KDR: variants seen among roughly 807,000 people sequenced by gnomAD.
The protein encoded by KDR is vascular endothelial growth factor receptor 2.
KDR carries 43 observed loss-of-function variants against 160.9 expected under a neutral mutation model. That is an observed-to-expected ratio of 0.27 (90% CI 0.21 to 0.34). KDR has a LOEUF of 0.34. Among genes scored for constraint, KDR ranks in the 10% least tolerant of loss-of-function variants. KDR has a pLI of 1.00. For synonymous variants in KDR, 617 were observed against 600.1 expected, an observed-to-expected ratio of 1.03 and a Z score of -0.41; for missense variants, 1,469 against 1,666.4, an observed-to-expected ratio of 0.88 and a Z score of 2.06.
rs1962458 is a variant in KDR at position 55,119,042 on chromosome 4, C to G, written c.162-242G>C. On this transcript the variant is annotated intron_variant, in intron 2 of 29. Coordinates refer to ENST00000263923, the MANE Select transcript of KDR (RefSeq NM_002253.4). ...TGGGCAACATGGTAAAACCCTGTCTCTACTAAAAATACAAAAATGAGCCAG... is the reference window on the plus strand; with the variant it reads ...TGGGCAACATGGTAAAACCCTGTCTGTACTAAAAATACAAAAATGAGCCAG... Among the ~76,000 whole-genome samples the G allele has an allele frequency of 0.18, 27,501 of 151,982 alleles. 3,331 individuals carry two copies. Among genetic ancestry groups the G allele is most frequent in the East Asian group, 0.46 (2,355 of 5,130 alleles).
intron 7 of KDR, among the ~76,000 whole-genome samples, chr4:55,112,202 A>G (rs1439192641): frequency 6.6e-6 from 1 of 152,074 alleles, no homozygotes; most frequent in Non-Finnish European, 1.5e-5. Context: ...TTATAAGCAG[A>G]TTTTCTTCCA....
At chr4:55,097,608 A>G in intron 18 of KDR, 54 bp downstream of exon 18, 2 of 1,154,672 alleles carry the variant, frequency 1.7e-6, no homozygotes, top group East Asian at 2.3e-5. Context: ...CTTGCAACAT[A>G]TTTAAAGACT....
chr4:55,081,150 A>G (rs572917741), intron 29 of KDR, among the ~76,000 whole-genome samples: 1 of 152,356 alleles, frequency 6.6e-6, no homozygotes, highest in African/African-American at 2.4e-5. Flanking sequence ...AAAGAAAACA[A>G]TAAAATAGCA....
At chr4:55,097,231 T>G (rs1026491604) in intron 18 of KDR, among the ~76,000 whole-genome samples, 1 of 152,224 alleles carries the variant, frequency 6.6e-6, no homozygotes, top group Admixed American at 6.5e-5. Context: ...CTTTTACATA[T>G]GAACATCTTT....
Position 55,115,416 on chromosome 4 carries a change from A to G in KDR, c.359-5T>C. The G allele has an allele frequency of 6.8e-7, 1 of 1,479,020 alleles. No individual in the cohort carries two copies. The highest frequency in any genetic ancestry group is 2.3e-5 in the East Asian group (1 of 44,174). The allele number at this position is 1,479,020 out of a possible 1,614,324, so 91.6% of individuals were successfully genotyped here. On this transcript the variant is annotated splice_polypyrimidine_tract_variant and splice_region_variant and intron_variant, in intron 3 of 29. Coordinates refer to ENST00000263923, the MANE Select transcript of KDR (RefSeq NM_002253.4). ...CAATAAATGGAGATCTGTAATCTAG[A>G]AGAAAATTTAGTTTTATTAATGAGT... is the stretch of plus-strand genomic sequence containing the variant.
chr4:55,102,344 T>C lies in KDR; in HGVS notation c.2134+18A>G, dbSNP rs1720335806. On this transcript the variant is annotated intron_variant, in intron 14 of 29. Coordinates refer to ENST00000263923, the MANE Select transcript of KDR (RefSeq NM_002253.4). ...GGAAAGTTCTGCAACCCAAGAGTGA[T>C]AGCCAAATTCTATTTACCTGAGTCT... The C allele has an allele frequency of 1.2e-6, 2 of 1,612,574 alleles. No homozygotes were observed. Among genetic ancestry groups the C allele is most frequent in the African/African-American group, 1.3e-5 (1 of 75,002 alleles).
At position 55,087,807 on chromosome 4, in the gene KDR, G is replaced by T. The variant is rs200251218; in HGVS notation, c.3511-49C>A. 5.9e-5 allele frequency: 95 copies of T among 1,598,182 alleles called. No individual in the cohort carries two copies. In the East Asian group the frequency reaches 2.0e-3, roughly 34 times the overall value. Reference sequence around the variant, plus strand: ...TGTTGTTATGGCTTCAGTTCTTCAAGTGCCTTTTCATTAAAAACAAAGGGC... The same window carrying T: ...TGTTGTTATGGCTTCAGTTCTTCAATTGCCTTTTCATTAAAAACAAAGGGC... On this transcript the variant is annotated intron_variant, in intron 26 of 29. Coordinates refer to ENST00000263923, the MANE Select transcript of KDR (RefSeq NM_002253.4).
Position 55,079,546 on chromosome 4 carries a change from C to T in KDR, c.*395G>A, listed in dbSNP as rs1221805047. The stretch of plus-strand genomic sequence containing the variant: ...CTGCAAATCCTTCCCATCTTCAACA[C>T]CTCGAACACTTACATTGCCTGGTTT... On this transcript the variant is annotated 3_prime_UTR_variant, in exon 30 of 30. Coordinates refer to ENST00000263923, the MANE Select transcript of KDR (RefSeq NM_002253.4). The T allele has an allele frequency of 5.3e-6, 2 of 378,660 alleles. No individual in the cohort carries two copies. The allele number at this position is 378,660 out of a possible 1,614,324, so 23.5% of individuals were successfully genotyped here. A position where few individuals can be genotyped will look rare whatever the true frequency, so the allele number is the denominator to read the frequency against.
intron 3 of KDR, among the ~76,000 whole-genome samples, chr4:55,117,994 G>A (rs1720775258): frequency 6.6e-6 from 1 of 152,032 alleles, no homozygotes; most frequent in Non-Finnish European, 1.5e-5. Context: ...ATCCCAAACT[G>A]CACATCCTAG....
chr4:55,104,680 C>A lies in KDR; in HGVS notation c.1950G>T (p.Lys650Asn). The A allele has an allele frequency of 6.2e-7, 1 of 1,613,776 alleles. No homozygotes were observed. Among genetic ancestry groups the A allele is most frequent in the Non-Finnish European group, 8.5e-7 (1 of 1,179,820 alleles). ...GCTGCCTGACCACGCAATGTCTTTT[C>A]TTGGTCTTCCTGTCTTGAGCAAGGC... ...YVCLAQDRKT[K>N]KRHCVVRQLT... is the part of the protein sequence containing the mutation. The change falls in exon 13 of 30, where the codon AAG becomes AAT. Residue 650 changes from lysine to asparagine, a missense_variant. Around this residue, in one of 7 missense-constraint regions of KDR, gnomAD observed 792 missense variants for 840.9 expected, o/e 0.94. Transcript: ENST00000263923.
Position 55,106,807 on chromosome 4 carries a change from T to C in KDR, c.1416A>G (p.Gln472=). Residue 472 remains glutamine, a synonymous_variant, in exon 11 of 30, where the codon CAA becomes CAG. Coordinates refer to ENST00000263923, the MANE Select transcript of KDR (RefSeq NM_002253.4). ...GGTATGGGTTTGTCACTGAGACAGC[T>C]TGGCTATAAGAAAGAGATAACAGCG... The part of the protein sequence containing the change: ...LEEECANEPS[Q]AVSVTNPYPC... 1.2e-6 allele frequency: 2 copies of C among 1,604,886 alleles called. No homozygotes were observed. The highest frequency in any genetic ancestry group is 2.2e-5 in the East Asian group (1 of 44,724).
At chr4:55,086,683 A>G (rs1314278446) in intron 27 of KDR, among the ~76,000 whole-genome samples, 1 of 151,938 alleles carries the variant, frequency 6.6e-6, no homozygotes, top group Non-Finnish European at 1.5e-5. Context: ...CCTTCCCATC[A>G]GTGTTTCTGC....
chr4:55,093,589 C>G (rs967847892), intron 21 of KDR, among the ~76,000 whole-genome samples: 2 of 152,128 alleles, frequency 1.3e-5, no homozygotes, highest in African/African-American at 4.8e-5. Context: ...TCAGTGTGGG[C>G]CCAGCTAAAT....
At chr4:55,116,482 G>T (rs1720739493) in intron 3 of KDR, among the ~76,000 whole-genome samples, 1 of 151,530 alleles carries the variant, frequency 6.6e-6, no homozygotes, top group Non-Finnish European at 1.5e-5. Flanking sequence ...TTAACATGCT[G>T]CTGGAAACCT....
At chr4:55,105,092 A>G in intron 12 of KDR, 108 bp from the exon 13 acceptor site, 1 of 917,288 alleles carries the variant, frequency 1.1e-6, no homozygotes, top group Admixed American at 2.0e-5. Flanking sequence ...ATGAAGCTCT[A>G]TCCGTTCCAG....
chr4:55,083,906 T>G (rs1310754276), intron 27 of KDR, among the ~76,000 whole-genome samples: 2 of 152,178 alleles, frequency 1.3e-5, no homozygotes, highest in Non-Finnish European at 2.9e-5. Context: ...AAGCCTACTT[T>G]CTAAGTCCAA....
Position 55,114,900 on chromosome 4 carries a change from G to T in KDR, c.632C>A (p.Ser211Tyr). The stretch of plus-strand genomic sequence containing the variant: ...TACAACGACAACTATGTACATAATA[G>T]ACTGGTAACTTTCATCATTAATTTT... The part of the protein sequence containing the change: ...EAKINDESYQ[S>Y]IMYIVVVVGY... The change falls in exon 5 of 30, where the codon TCT (serine) becomes TAT (tyrosine). Residue 211 changes from serine (S) to tyrosine (Y), a missense_variant. By Grantham distance (144) the Ser-to-Tyr change is moderately radical. Around this residue, in one of 7 missense-constraint regions of KDR, gnomAD observed 792 missense variants for 840.9 expected, o/e 0.94. Transcript: ENST00000263923. The T allele has an allele frequency of 6.2e-7, 1 of 1,613,644 alleles. No individual in the cohort carries two copies. The highest frequency in any genetic ancestry group is 8.5e-7 in the Non-Finnish European group (1 of 1,179,652).
intron 22 of KDR, among the ~76,000 whole-genome samples, chr4:55,091,706 T>C (rs541231335): frequency 2.0e-5 from 3 of 152,244 alleles, no homozygotes; most frequent in Admixed American, 1.3e-4. Flanking sequence ...CAAAAAAAAA[T>C]ATGACTTAAG....
Position 55,118,612 on chromosome 4 carries a change from T to C in KDR, c.350A>G (p.Tyr117Cys), listed in dbSNP as rs1226422486. 9.3e-6 allele frequency: 15 copies of C among 1,612,936 alleles called. No homozygotes were observed. The highest frequency in any genetic ancestry group is 2.2e-5 in the East Asian group (1 of 44,886). The change falls in exon 3 of 30, where the codon TAT (tyrosine) becomes TGT (cysteine). Residue 117 changes from tyrosine (Y) to cysteine (C), a missense_variant. Tyr to Cys is a radical substitution (Grantham distance 194, BLOSUM62 -2). Coordinates refer to ENST00000263923, the MANE Select transcript of KDR (RefSeq NM_002253.4). ...ETDLASVIYVYVQDYRSPFIA... is the reference protein window; with the variant it reads ...ETDLASVIYVCVQDYRSPFIA... Reference sequence around the variant, plus strand: ...TTTATTTCACCACTTACCTTGAACATAGACATAAATGACCGAGGCCAAGTC... The same window carrying C: ...TTTATTTCACCACTTACCTTGAACACAGACATAAATGACCGAGGCCAAGTC...
Sources: gnomAD v4.1 joint callset for allele counts (sites outside exome capture counted in the v4.1 genomes callset) on GRCh38, gnomAD v4.1.1 for gene constraint, gnomAD v4.1.1 regional missense constraint, MANE v1.5 for transcripts, NCBI Gene and HGNC (gene_info 2026-07-23, HGNC 2026-07-21) for gene names.